The following PRKG2 variants were observed in gnomAD, a reference collection of about 807,000 sequenced individuals.
PRKG2 encodes the protein cGMP-dependent protein kinase 2.
Under a neutral mutation model 97.2 loss-of-function variants are expected in PRKG2, and 33 were observed. That is an observed-to-expected ratio of 0.34 (90% CI 0.26 to 0.45). The LOEUF (loss-of-function observed/expected upper bound fraction) is 0.45, where lower values mean the gene tolerates loss of function less well. Among genes scored for constraint, PRKG2 ranks in the 20% least tolerant of loss-of-function variants. The pLI is 1.00. For missense variants in PRKG2, 638 were observed against 900.0 expected (o/e 0.71, Z 3.73); for synonymous variants, 330 against 321.8 (o/e 1.03, Z -0.27).
chr4:81,106,842 GCTT>G (rs1743394625), intron 15 of PRKG2, among the ~76,000 whole-genome samples: 1 of 152,162 alleles, frequency 6.6e-6, no homozygotes, highest in South Asian at 2.1e-4. Context: ...TAGTTGCCTG[GCTT>G]TTGGCCATGT....
chr4:81,194,843 G>A (rs1178250171), intron 2 of PRKG2, among the ~76,000 whole-genome samples: 2 of 152,060 alleles, frequency 1.3e-5, no homozygotes, highest in African/African-American at 2.4e-5. Context: ...AGGAGTCAGC[G>A]GCAGGGAAAC....
chr4:81,147,186 C>T lies in PRKG2; in HGVS notation c.1154+1698G>A, dbSNP rs568224943. ...GCATCCTCTTTATGGATTATGAATA[C>T]ATGAGACATTGTATAAATATGTGGT... On this transcript the variant is annotated intron_variant, in intron 9 of 18. Transcript: ENST00000264399. 1.4e-3 allele frequency among the ~76,000 whole-genome samples: 220 copies of T among 152,234 alleles called. 1 individual carries two copies. Among genetic ancestry groups the T allele is most frequent in the Non-Finnish European group, 2.8e-3 (193 of 68,012 alleles).
At chr4:81,161,271 T>C (rs1353777964) in intron 6 of PRKG2, among the ~76,000 whole-genome samples, 1 of 152,084 alleles carries the variant, frequency 6.6e-6, no homozygotes, top group Non-Finnish European at 1.5e-5. Context: ...GCCAGACAGG[T>C]CTATATTCAA....
Position 81,088,658 on chromosome 4 carries a change from C to T in PRKG2, c.*1050G>A, listed in dbSNP as rs1741282287. The T allele has an allele frequency of 6.6e-6, 1 of 152,118 alleles. No individual in the cohort carries two copies. The highest frequency in any genetic ancestry group is 6.6e-5 in the Admixed American group (1 of 15,248). The allele number at this position is 152,118 out of a possible 1,614,324, so 9.4% of individuals were successfully genotyped here. ...TAACAATCTAAATTTATAAACACAT[C>T]CATGACTCAGATGTCTTTAAAAAGC... is the stretch of plus-strand genomic sequence containing the variant. On this transcript the variant is annotated 3_prime_UTR_variant, in exon 19 of 19. Coordinates refer to ENST00000264399, the MANE Select transcript of PRKG2 (RefSeq NM_006259.3).
At chr4:81,215,943 G>A (rs957293269), upstream of PRKG2, among the ~76,000 whole-genome samples, 1 of 151,740 alleles carries the variant, frequency 6.6e-6, no homozygotes, top group African/African-American at 2.4e-5. Flanking sequence ...ACACCCCACC[G>A]CATTATTTGC....
intron 17 of PRKG2, among the ~76,000 whole-genome samples, chr4:81,099,303 A>G (rs996780978): frequency 7.9e-5 from 12 of 152,196 alleles, no homozygotes; most frequent in Non-Finnish European, 1.0e-4. Context: ...CATTGATGCA[A>G]AAATCCTCAA....
At chr4:81,169,621 C>T (rs150121918) in intron 5 of PRKG2, 42 bp downstream of exon 5, 32 of 1,347,232 alleles carry the variant, frequency 2.4e-5, no homozygotes, top group African/African-American at 1.8e-4. Context: ...CACAATATGG[C>T]GACTCCACTG....
Position 81,205,013 on chromosome 4 carries a change from T to G in PRKG2, c.35A>C (p.Lys12Thr). 1.2e-6 allele frequency: 2 copies of G among 1,612,704 alleles called. No individual in the cohort carries two copies. The highest frequency in any genetic ancestry group is 2.2e-5 in the South Asian group (2 of 90,754). Residue 12 changes from lysine to threonine, a missense_variant, in exon 2 of 19, where the codon AAG (lysine) becomes ACG (threonine). By Grantham distance (78) the Lys-to-Thr change is moderately conservative (BLOSUM62 -1). This residue lies in a region of PRKG2 where 332 missense variants were observed against 421.7 expected (regional missense o/e 0.79). Transcript: ENST00000264399. ...GTTCCCAGAGTGTCCATCTGGGTGC[T>G]TAGAATGTTTAGGTTTCACTGAACC... ...GNGSVKPKHS[K>T]HPDGHSGNLT...
chr4:81,158,494 A>G (rs1205928912), intron 6 of PRKG2, among the ~76,000 whole-genome samples: 1 of 148,408 alleles, frequency 6.7e-6, no homozygotes, highest in African/African-American at 2.6e-5. Flanking sequence ...GGTAGGAAGA[A>G]TCAATATCGT....
chr4:81,178,984 T>G (rs28550691), intron 2 of PRKG2, among the ~76,000 whole-genome samples: 57,260 of 151,390 alleles, frequency 0.38, 14,072 homozygotes, highest in African/African-American at 0.68. Context: ...AAATAGCTGG[T>G]CGTGGTGGCA....
intron 9 of PRKG2, among the ~76,000 whole-genome samples, chr4:81,146,989 T>C (rs1439123136): frequency 6.6e-6 from 1 of 152,188 alleles, no homozygotes. Context: ...GTAAACCTAG[T>C]TATATCTGAT....
At chr4:81,200,873 C>T (rs950211219) in intron 2 of PRKG2, among the ~76,000 whole-genome samples, 3 of 152,166 alleles carry the variant, frequency 2.0e-5, no homozygotes, top group African/African-American at 4.8e-5. Context: ...TAGAAACAGG[C>T]TACATGCCCA....
chr4:81,216,048 G>T (rs1754262013), upstream of PRKG2, among the ~76,000 whole-genome samples: 1 of 152,096 alleles, frequency 6.6e-6, no homozygotes, highest in Non-Finnish European at 1.5e-5. Context: ...GACAAGGGCA[G>T]TTTCTGTGTT....
chr4:81,100,355 C>T (rs903896563), intron 17 of PRKG2, among the ~76,000 whole-genome samples: 3 of 152,102 alleles, frequency 2.0e-5, no homozygotes, highest in Non-Finnish European at 2.9e-5. Context: ...GTTACTGGTA[C>T]CAAAACAGAG....
intron 2 of PRKG2, among the ~76,000 whole-genome samples, chr4:81,177,064 A>C (rs1008400817): frequency 2.0e-5 from 3 of 152,100 alleles, no homozygotes; most frequent in Admixed American, 1.3e-4. Flanking sequence ...TTTGTGACTT[A>C]ACTTACTTTT....
chr4:81,217,041 ATATATATATATATGTG>A (rs942445530), upstream of PRKG2, among the ~76,000 whole-genome samples: 8 of 140,076 alleles, frequency 5.7e-5, no homozygotes, highest in African/African-American at 2.3e-4. Flanking sequence ...GTATATATAT[ATATATATATATATGTG>A]TATATATATA....
rs1747432529 is a variant in PRKG2 at position 81,142,890 on chromosome 4, C to T, written c.1311G>A (p.Leu437=). ...SKALSLEMIQ[L]KEKVARFSSS... The stretch of plus-strand genomic sequence containing the variant: ...AGGAAAATCTGGCCACCTTCTCCTT[C>T]AGCTGAATCATTTCCAGAGAGAGTG... Residue 437 remains leucine (L), a synonymous_variant, in exon 11 of 19, where the codon CTG becomes CTA. Coordinates refer to ENST00000264399, the MANE Select transcript of PRKG2 (RefSeq NM_006259.3). The T allele has an allele frequency of 5.6e-6, 9 of 1,613,504 alleles. No homozygotes were observed. Among genetic ancestry groups the T allele is most frequent in the Non-Finnish European group, 7.6e-6 (9 of 1,179,678 alleles).
intron 2 of PRKG2, among the ~76,000 whole-genome samples, chr4:81,191,133 C>CAA (rs1156734044): frequency 6.6e-6 from 1 of 151,968 alleles, no homozygotes; most frequent in Non-Finnish European, 1.5e-5. Context: ...TACACACACA[C>CAA]GTATGTTTAT....
At chr4:81,160,964 A>G (rs1200567621) in intron 6 of PRKG2, among the ~76,000 whole-genome samples, 1 of 152,194 alleles carries the variant, frequency 6.6e-6, no homozygotes, top group East Asian at 1.9e-4. Flanking sequence ...TTATTTATAC[A>G]AACAAAAGTG....
Sources: gnomAD v4.1 joint callset for allele counts (sites outside exome capture counted in the v4.1 genomes callset) on GRCh38, gnomAD v4.1.1 for gene constraint, gnomAD v4.1.1 regional missense constraint, MANE v1.5 for transcripts, NCBI Gene and HGNC (gene_info 2026-07-23, HGNC 2026-07-21) for gene names.